The following CACNA1E variants were observed in gnomAD, a reference collection of about 807,000 sequenced individuals.
CACNA1E encodes calcium voltage-gated channel subunit alpha1 E.
A neutral mutation model predicts 259.2 loss-of-function variants in CACNA1E; 40 were observed. The observed-to-expected ratio is 0.15, with a 90% CI of 0.12 to 0.20. The LOEUF is 0.20. Among genes scored for constraint, CACNA1E ranks in the 10% least tolerant of loss-of-function variants. CACNA1E has a pLI of 1.00. For missense variants in CACNA1E, 1,874 were observed against 3,040.1 expected (o/e 0.62, Z 9.02); for synonymous variants, 1,104 against 1,138.5 (o/e 0.97, Z 0.61).
chr1:181,321,180 C>G (rs1255399009), intron 1 of CACNA1E, among the ~76,000 whole-genome samples: 1 of 152,124 alleles, frequency 6.6e-6, no homozygotes, highest in East Asian at 1.9e-4. Flanking sequence ...AGGGATCAGC[C>G]CCCATGACCC....
chr1:181,668,056 A>G (rs1467890834), intron 7 of CACNA1E, among the ~76,000 whole-genome samples: 7 of 152,162 alleles, frequency 4.6e-5, no homozygotes, highest in Non-Finnish European at 1.0e-4. Context: ...TTGTGTGTGT[A>G]GTTCCATGTA....
In CACNA1E at chr1:181,798,363, G is replaced by A. The variant is rs766842680; in HGVS notation, c.6471G>A (p.Arg2157=). The change falls in exon 48 of 48, where the codon CGG becomes CGA. Residue 2157 remains arginine (R), a synonymous_variant. Transcript: ENST00000367573. The surrounding 1 kb of genome is among the most constrained non-coding windows in gnomAD (Gnocchi z 4.2). The part of the protein sequence containing the change: ...SDTSTPRRSR[R]QLPPVPPKPR... ...CCAGCACCCCAAGAAGAAGTCGTCGGCAGCTCCCACCCGTCCCGCCAAAGC... is the reference window on the plus strand; with the variant it reads ...CCAGCACCCCAAGAAGAAGTCGTCGACAGCTCCCACCCGTCCCGCCAAAGC... 6 of 1,611,850 alleles carry A rather than the reference G, an allele frequency of 3.7e-6. No individual in the cohort carries two copies. The highest frequency in any genetic ancestry group is 5.1e-6 in the Non-Finnish European group (6 of 1,179,604).
At chr1:181,489,569 G>A (rs553893221) in intron 1 of CACNA1E, among the ~76,000 whole-genome samples, 1 of 152,226 alleles carries the variant, frequency 6.6e-6, no homozygotes, top group South Asian at 2.1e-4. Flanking sequence ...CTCCTACCCA[G>A]CCCTGTTACA....
At chr1:181,577,919 C>A in intron 4 of CACNA1E, 50 bp downstream of exon 4, 1 of 1,217,958 alleles carries the variant, frequency 8.2e-7, no homozygotes, top group Non-Finnish European at 1.2e-6. Flanking sequence ...CTTCATGTGT[C>A]CTCAGCTGGA....
At chr1:181,571,649 C>T (rs950099038) in intron 3 of CACNA1E, among the ~76,000 whole-genome samples, 5 of 152,250 alleles carry the variant, frequency 3.3e-5, no homozygotes, top group African/African-American at 7.2e-5. Flanking sequence ...ATGGCCTCCT[C>T]ATCACATGGG....
intron 6 of CACNA1E, among the ~76,000 whole-genome samples, chr1:181,646,476 T>C (rs1658274586): frequency 6.6e-6 from 1 of 152,092 alleles, no homozygotes; most frequent in Non-Finnish European, 1.5e-5. Context: ...ACCCTTTGCT[T>C]CTGAAAGGAC....
rs775240148 is a variant in CACNA1E at position 181,483,752 on chromosome 1, G to T, written c.8G>T (p.Arg3Leu). The T allele has an allele frequency of 1.2e-6, 2 of 1,608,274 alleles. No homozygotes were observed. Among genetic ancestry groups the T allele is most frequent in the South Asian group, 2.2e-5 (2 of 90,744 alleles). ...GTCTGTTTAAACCTCAGGATGGCTC[G>T]CTTCGGGGAGGCGGTGGTCGCCAGG... MA[R>L]FGEAVVARPG... The change falls in exon 1 of 48, where the codon CGC (arginine) becomes CTC (leucine). Residue 3 changes from arginine to leucine, a missense_variant. Transcript: ENST00000367573.
At chr1:181,690,952 C>T (rs1034846566) in intron 7 of CACNA1E, among the ~76,000 whole-genome samples, 4 of 151,832 alleles carry the variant, frequency 2.6e-5, no homozygotes, top group African/African-American at 4.8e-5. Context: ...TCTAATGGTG[C>T]TAGTTATGGG....
intron 1 of CACNA1E, among the ~76,000 whole-genome samples, chr1:181,404,818 G>A (rs1657350749): frequency 6.6e-6 from 1 of 152,220 alleles, no homozygotes; most frequent in Admixed American, 6.5e-5. Flanking sequence ...GCCAGGCCTG[G>A]CAGCCAGATG....
At chr1:181,787,279 C>G (rs1490637085) in intron 43 of CACNA1E, among the ~76,000 whole-genome samples, 1 of 152,000 alleles carries the variant, frequency 6.6e-6, no homozygotes, top group African/African-American at 2.4e-5. Context: ...GCCACTATGC[C>G]CAGCTAATTT....
chr1:181,465,067 A>G (rs145245477), intron 2 of CACNA1E, among the ~76,000 whole-genome samples: 239 of 152,176 alleles, frequency 1.6e-3, no homozygotes, highest in African/African-American at 5.5e-3. Context: ...TTTCCCCTGA[A>G]CTTGTATAGT....
chr1:181,385,854 C>A (rs1199472608), intron 1 of CACNA1E, among the ~76,000 whole-genome samples: 1 of 147,414 alleles, frequency 6.8e-6, no homozygotes, highest in Non-Finnish European at 1.5e-5. Flanking sequence ...CTCTCTTTAC[C>A]TTCCTTTCTT....
intron 2 of CACNA1E, among the ~76,000 whole-genome samples, chr1:181,415,151 C>T (rs970658610): frequency 6.6e-6 from 1 of 152,212 alleles, no homozygotes; most frequent in African/African-American, 2.4e-5. Flanking sequence ...GGACCCTGAA[C>T]AACTTGAGGG....
intron 27 of CACNA1E, among the ~76,000 whole-genome samples, chr1:181,753,910 G>A (rs1207629459): frequency 6.6e-6 from 1 of 152,172 alleles, no homozygotes; most frequent in Non-Finnish European, 1.5e-5. Context: ...CCCACCGCGT[G>A]GGTTCCCAGA....
chr1:181,332,383 T>A (rs1209782143), intron 1 of CACNA1E, among the ~76,000 whole-genome samples: 1 of 152,046 alleles, frequency 6.6e-6, no homozygotes, highest in Non-Finnish European at 1.5e-5. Flanking sequence ...AAATAAAAGT[T>A]GGAAAAAAAA....
intron 2 of CACNA1E, among the ~76,000 whole-genome samples, chr1:181,417,736 C>T (rs542728583): frequency 1.3e-5 from 2 of 152,278 alleles, no homozygotes; most frequent in South Asian, 4.1e-4. Flanking sequence ...CATTTCCTGC[C>T]AGCTCGCTCC....
At chr1:181,446,488 C>T (rs1443070099) in intron 2 of CACNA1E, among the ~76,000 whole-genome samples, 1 of 152,230 alleles carries the variant, frequency 6.6e-6, no homozygotes, top group African/African-American at 2.4e-5. Flanking sequence ...GTACTGCCAT[C>T]AGTTTCTTGT....
intron 1 of CACNA1E, among the ~76,000 whole-genome samples, chr1:181,486,832 C>CTA (rs1050941595): frequency 6.6e-6 from 1 of 152,086 alleles, no homozygotes; most frequent in African/African-American, 2.4e-5. Context: ...CAGGTGAAGT[C>CTA]CTCTAGATTC....
intron 25 of CACNA1E, among the ~76,000 whole-genome samples, chr1:181,742,973 G>T (rs1258719085): frequency 1.3e-5 from 2 of 152,058 alleles, no homozygotes. Flanking sequence ...TGTGGGCAGA[G>T]CAGTGGATAA....
Sources: gnomAD v4.1 joint callset for allele counts (sites outside exome capture counted in the v4.1 genomes callset) on GRCh38, gnomAD v4.1.1 for gene constraint, Gnocchi (gnomAD v3.1) non-coding constraint, MANE v1.5 for transcripts, NCBI Gene and HGNC (gene_info 2026-07-23, HGNC 2026-07-21) for gene names.